THSD4: variants seen among roughly 807,000 people sequenced by gnomAD.
THSD4 encodes thrombospondin type-1 domain-containing protein 4.
Under a neutral mutation model 119.0 loss-of-function variants are expected in THSD4, and 69 were observed. That is an observed-to-expected ratio of 0.58 (90% CI 0.48 to 0.71). The LOEUF (loss-of-function observed/expected upper bound fraction) is 0.71. Ranked by LOEUF, THSD4 falls within the 30% of genes least tolerant of loss-of-function variation. The probability of loss-of-function intolerance (pLI) is 0.00; values close to 1 mark genes in which losing one functional copy is unlikely to be tolerated. For synonymous variants in THSD4, 524 were observed against 540.4 expected, an observed-to-expected ratio of 0.97 and a Z score of 0.42; for missense variants, 1,393 against 1,391.1, an observed-to-expected ratio of 1.00 and a Z score of -0.02.
intron 5 of THSD4, among the ~76,000 whole-genome samples, chr15:71,254,755 A>G (rs914682233): frequency 2.6e-5 from 4 of 152,128 alleles, no homozygotes; most frequent in South Asian, 2.1e-4. Flanking sequence ...GGAAGCTTAC[A>G]TGGGCCCAGC....
chr15:71,523,873 T>C (rs2048477845), intron 7 of THSD4, among the ~76,000 whole-genome samples: 1 of 150,514 alleles, frequency 6.6e-6, no homozygotes, highest in East Asian at 2.0e-4. Flanking sequence ...GTAGCTATTG[T>C]GTGAGGGGAA....
intron 8 of THSD4, among the ~76,000 whole-genome samples, chr15:71,682,915 T>TC (rs2051822354): frequency 1.0e-5 from 1 of 100,254 alleles, no homozygotes; most frequent in Non-Finnish European, 1.9e-5. Context: ...TTTCTTCTTC[T>TC]TCTTCTTTTT....
intron 7 of THSD4, among the ~76,000 whole-genome samples, chr15:71,544,869 C>G (rs1295524562): frequency 1.3e-5 from 2 of 152,108 alleles, no homozygotes; most frequent in Admixed American, 1.3e-4. Context: ...GTGGATGAAC[C>G]TTGGGAACAT....
intron 6 of THSD4, among the ~76,000 whole-genome samples, chr15:71,323,240 T>C (rs1430276719): frequency 6.6e-6 from 1 of 152,038 alleles, no homozygotes; most frequent in Non-Finnish European, 1.5e-5. Context: ...CCCAAAAGCA[T>C]GGATACTAGA....
intron 7 of THSD4, among the ~76,000 whole-genome samples, chr15:71,422,229 C>A (rs2046818040): frequency 6.6e-6 from 1 of 152,082 alleles, no homozygotes; most frequent in African/African-American, 2.4e-5. Flanking sequence ...TCACTGGGGT[C>A]TTGATAGTTC....
intron 7 of THSD4, among the ~76,000 whole-genome samples, chr15:71,543,600 T>G (rs548331920): frequency 6.6e-6 from 1 of 152,298 alleles, no homozygotes; most frequent in African/African-American, 2.4e-5. Flanking sequence ...AAGAACAGGT[T>G]TCAGGGAAAC....
chr15:71,742,340 C>G (rs2053252484), intron 11 of THSD4, among the ~76,000 whole-genome samples: 1 of 152,212 alleles, frequency 6.6e-6, no homozygotes, highest in Non-Finnish European at 1.5e-5. Context: ...CTCTGTCAAA[C>G]TCTTGGCTTG....
chr15:71,608,461 T>C (rs2050159984), intron 7 of THSD4, among the ~76,000 whole-genome samples: 1 of 152,158 alleles, frequency 6.6e-6, no homozygotes, highest in African/African-American at 2.4e-5. Flanking sequence ...TTTTAAGCAA[T>C]CTCTTACACA....
intron 7 of THSD4, among the ~76,000 whole-genome samples, chr15:71,535,985 C>T (rs1376008355): frequency 6.6e-6 from 1 of 152,112 alleles, no homozygotes; most frequent in East Asian, 1.9e-4. Context: ...TGGTGTTACA[C>T]CTATAAAACC....
intron 7 of THSD4, among the ~76,000 whole-genome samples, chr15:71,583,975 A>G (rs553095425): frequency 3.9e-5 from 6 of 152,136 alleles, no homozygotes; most frequent in African/African-American, 1.4e-4. Context: ...TGTCTGGATG[A>G]TCTGTTTACT....
intron 8 of THSD4, among the ~76,000 whole-genome samples, chr15:71,683,981 C>T (rs1354506553): frequency 1.3e-5 from 2 of 152,116 alleles, no homozygotes; most frequent in African/African-American, 2.4e-5. Context: ...CTCAAAACAG[C>T]AACAAAACCA....
intron 8 of THSD4, among the ~76,000 whole-genome samples, chr15:71,718,151 A>G (rs936201498): frequency 6.9e-6 from 1 of 145,128 alleles, no homozygotes; most frequent in Non-Finnish European, 1.5e-5. Flanking sequence ...CCTGTCTCAA[A>G]AAAAAAAAAA....
chr15:71,264,504 A>G (rs542724616), intron 6 of THSD4, among the ~76,000 whole-genome samples: 1 of 152,330 alleles, frequency 6.6e-6, no homozygotes, highest in Non-Finnish European at 1.5e-5. Flanking sequence ...GTGAAAACAA[A>G]ATGATGATTT....
At chr15:71,549,710 T>A (rs1178877984) in intron 7 of THSD4, 2 of 152,156 alleles carry the variant, frequency 1.3e-5, no homozygotes, top group Admixed American at 1.3e-4. Context: ...TAAAAACACA[T>A]GAGGAGAAGG....
At chr15:71,457,056 C>A (rs905013856) in intron 7 of THSD4, among the ~76,000 whole-genome samples, 1 of 152,022 alleles carries the variant, frequency 6.6e-6, no homozygotes, top group Non-Finnish European at 1.5e-5. Context: ...AGGATAAAGT[C>A]CCCAGGGTAT....
chr15:71,246,663 C>G (rs1479090026), intron 5 of THSD4, among the ~76,000 whole-genome samples: 2 of 152,150 alleles, frequency 1.3e-5, no homozygotes, highest in African/African-American at 2.4e-5. Context: ...CAGCATGTCT[C>G]TGAGATTGTT....
At chr15:71,458,295 A>G (rs2047367995) in intron 7 of THSD4, among the ~76,000 whole-genome samples, 2 of 152,324 alleles carry the variant, frequency 1.3e-5, no homozygotes, top group Middle Eastern at 6.8e-3. Flanking sequence ...TGATTCATAC[A>G]TCTATTGTTA....
intron 8 of THSD4, among the ~76,000 whole-genome samples, chr15:71,722,512 G>A (rs577338170): frequency 1.3e-3 from 199 of 152,110 alleles, no homozygotes; most frequent in African/African-American, 4.3e-3. Flanking sequence ...CCTCTTCTAC[G>A]ATATTCCCAT....
chr15:71,549,615 C>T (rs768272137), intron 7 of THSD4: 7 of 152,174 alleles, frequency 4.6e-5, no homozygotes, highest in South Asian at 2.1e-4. Context: ...AAACATGTGG[C>T]GTCGTCACTA....
Sources: allele counts gnomAD v4.1 joint callset (sites outside exome capture counted in the v4.1 genomes callset), GRCh38; gene constraint gnomAD v4.1.1; transcripts MANE v1.5; gene names NCBI Gene and HGNC (gene_info 2026-07-23, HGNC 2026-07-21).